The following LEPR variants were observed in gnomAD, a reference collection of about 807,000 sequenced individuals.
LEPR encodes leptin receptor, also known as OB receptor.
A neutral mutation model predicts 114.7 loss-of-function variants in LEPR; 56 were observed. The ratio of observed to expected loss-of-function variants is 0.49; its 90% CI spans 0.39 to 0.61. The LOEUF is 0.61. Among genes scored for constraint, LEPR ranks in the 20% least tolerant of loss-of-function variants. The probability of loss-of-function intolerance (pLI) is 0.00; values close to 1 mark genes in which losing one functional copy is unlikely to be tolerated. For synonymous variants in LEPR, 443 were observed against 461.4 expected (o/e 0.96, Z 0.51); for missense variants, 1,202 against 1,352.9 (o/e 0.89, Z 1.75).
At chr1:65,447,480 G>A (rs1294573569) in intron 2 of LEPR, among the ~76,000 whole-genome samples, 7 of 150,344 alleles carry the variant, frequency 4.7e-5, no homozygotes, top group East Asian at 1.9e-4. Context: ...GATTTATACC[G>A]AAGTAGTTTG....
intron 2 of LEPR, among the ~76,000 whole-genome samples, chr1:65,479,610 A>T (rs1210517997): frequency 6.6e-6 from 1 of 152,198 alleles, no homozygotes; most frequent in East Asian, 1.9e-4. Context: ...TCAGACAATA[A>T]AGAAAATGGG....
intron 2 of LEPR, among the ~76,000 whole-genome samples, chr1:65,477,566 G>A (rs1647173356): frequency 6.6e-6 from 1 of 152,222 alleles, no homozygotes; most frequent in Non-Finnish European, 1.5e-5. Context: ...AATGCCACCT[G>A]GGATCTCTGT....
intron 16 of LEPR, 133 bp downstream of exon 16, chr1:65,618,279 C>CTTTAT: frequency 1.5e-6 from 1 of 653,908 alleles, no homozygotes; most frequent in Non-Finnish European, 2.4e-6. Flanking sequence ...TACATATAAT[C>CTTTAT]CTATAACCTT....
chr1:65,626,540 A>C (rs1658223875), intron 19 of LEPR, among the ~76,000 whole-genome samples: 1 of 152,204 alleles, frequency 6.6e-6, no homozygotes, highest in Admixed American at 6.5e-5. Flanking sequence ...TTAAAGAGTA[A>C]AGGAGAATAT....
chr1:65,588,964 G>A (rs1466455821), intron 5 of LEPR, among the ~76,000 whole-genome samples: 2 of 152,084 alleles, frequency 1.3e-5, no homozygotes, highest in Non-Finnish European at 2.9e-5. Flanking sequence ...CATGTGGTAG[G>A]TGTGTGTTTA....
chr1:65,467,629 C>CCCTGCCCCCAGAGGTGGAATCTATAG (rs1368563960), intron 2 of LEPR, among the ~76,000 whole-genome samples: 1 of 152,234 alleles, frequency 6.6e-6, no homozygotes, highest in African/African-American at 2.4e-5. Context: ...TTCTACTATA[C>CCCTGCCCCCAGAGGTGGAATCTATAG]CCTGCCCCCA....
At chr1:65,583,390 G>C (rs1433442563) in intron 5 of LEPR, among the ~76,000 whole-genome samples, 1 of 152,138 alleles carries the variant, frequency 6.6e-6, no homozygotes, top group African/African-American at 2.4e-5. Flanking sequence ...GGAGCTATAA[G>C]CTAAACAATT....
At chr1:65,616,572 TACAC>T (rs571323157) in intron 15 of LEPR, among the ~76,000 whole-genome samples, 202 of 152,120 alleles carry the variant, frequency 1.3e-3, no homozygotes, top group African/African-American at 4.3e-3. Flanking sequence ...TATTCATACA[TACAC>T]ACATATAAAT....
intron 3 of LEPR, among the ~76,000 whole-genome samples, chr1:65,567,136 A>G (rs534772378): frequency 8.5e-5 from 13 of 152,320 alleles, no homozygotes; most frequent in African/African-American, 3.1e-4. Context: ...ATTCTAGACC[A>G]TCTTTAGAGT....
intron 2 of LEPR, among the ~76,000 whole-genome samples, chr1:65,547,176 A>G (rs1651818876): frequency 6.6e-6 from 1 of 151,744 alleles, no homozygotes; most frequent in South Asian, 2.1e-4. Context: ...CATGGCGGAT[A>G]AGCTTTTTGA....
At chr1:65,530,052 C>T (rs1650276391) in intron 2 of LEPR, among the ~76,000 whole-genome samples, 1 of 152,168 alleles carries the variant, frequency 6.6e-6, no homozygotes, top group Non-Finnish European at 1.5e-5. Flanking sequence ...CTTTATATTC[C>T]AGCTGTCTAC....
chr1:65,447,523 A>ATTTTT (rs1553153178), intron 2 of LEPR, among the ~76,000 whole-genome samples: 2 of 105,862 alleles, frequency 1.9e-5, no homozygotes, highest in African/African-American at 6.0e-5. Context: ...TGGTATTGTG[A>ATTTTT]TTTTTCTTTT....
At chr1:65,589,452 G>A (rs1655538617) in intron 5 of LEPR, among the ~76,000 whole-genome samples, 1 of 150,092 alleles carries the variant, frequency 6.7e-6, no homozygotes, top group Admixed American at 6.6e-5. Context: ...GTTCTTTTAT[G>A]GATCATGCTT....
At chr1:65,459,827 C>T (rs983664747) in intron 2 of LEPR, among the ~76,000 whole-genome samples, 1 of 152,156 alleles carries the variant, frequency 6.6e-6, no homozygotes, top group South Asian at 2.1e-4. Flanking sequence ...TAGCCATTCT[C>T]TGTTATTTGC....
intron 2 of LEPR, among the ~76,000 whole-genome samples, chr1:65,498,564 A>C (rs971896486): frequency 6.6e-6 from 1 of 152,160 alleles, no homozygotes; most frequent in Non-Finnish European, 1.5e-5. Context: ...GTAGAGACGG[A>C]GGAATGGAAA....
chr1:65,630,922 A>G (rs1015183572), intron 19 of LEPR, among the ~76,000 whole-genome samples: 4 of 151,914 alleles, frequency 2.6e-5, no homozygotes, highest in Non-Finnish European at 4.4e-5. Context: ...TATTCCCTGA[A>G]TTCTGTGTTC....
chr1:65,637,475 T>C lies in LEPR; in HGVS notation c.*460T>C, dbSNP rs1232570779. 3 of 157,928 alleles carry C rather than the reference T, an allele frequency of 1.9e-5. No individual in the cohort carries two copies. The allele number at this position is 157,928 out of a possible 1,614,324, so 9.8% of individuals were successfully genotyped here. A position where few individuals can be genotyped will look rare whatever the true frequency, so the allele number is the denominator to read the frequency against. On this transcript the variant is annotated 3_prime_UTR_variant, in exon 20 of 20. Coordinates refer to ENST00000349533, the MANE Select transcript of LEPR (RefSeq NM_002303.6). The stretch of plus-strand genomic sequence containing the variant: ...ATTTGAAGTAGGACTTTCCTAAATG[T>C]TTAAGATAAACAGAATTCAGCCCTG...
chr1:65,423,739 CAAGTA>C (rs1386141024), intron 1 of LEPR, among the ~76,000 whole-genome samples: 1 of 152,140 alleles, frequency 6.6e-6, no homozygotes, highest in Non-Finnish European at 1.5e-5. Flanking sequence ...AATCTTCTCT[CAAGTA>C]AAAGGAAGCA....
Position 65,421,535 on chromosome 1 carries a change from T to C in LEPR, c.-97+795T>C, listed in dbSNP as rs1475331975. The C allele has an allele frequency of 3.3e-6, 5 of 1,510,624 alleles. No individual in the cohort carries two copies. In the African/African-American group the frequency reaches 6.9e-5, roughly 21 times the overall value. 93.6% of individuals were successfully genotyped at this position (1,510,624 alleles called of 1,614,324 possible). A position where few individuals can be genotyped will look rare whatever the true frequency, so the allele number is the denominator to read the frequency against. ...TTTTATATTGGCTTTTATATCATCC[T>C]TGAAATTTGCACCCAAAGATATCCC... On this transcript the variant is annotated intron_variant, in intron 1 of 19. Transcript: ENST00000349533.
Sources: gnomAD v4.1 joint callset for allele counts (sites outside exome capture counted in the v4.1 genomes callset) on GRCh38, gnomAD v4.1.1 for gene constraint, MANE v1.5 for transcripts, NCBI Gene and HGNC (gene_info 2026-07-23, HGNC 2026-07-21) for gene names.